The following TUSC3 variants were observed in gnomAD, a reference collection of about 807,000 sequenced individuals.
TUSC3 encodes the protein dolichyl-diphosphooligosaccharide--protein glycosyltransferase subunit TUSC3.
Under a neutral mutation model 44.8 loss-of-function variants are expected in TUSC3, and 45 were observed. The observed-to-expected ratio is 1.00, with a 90% confidence interval of 0.79 to 1.29. TUSC3 has a LOEUF of 1.29. Among genes scored for constraint, TUSC3 ranks in the 50% most tolerant of loss-of-function variants. The probability of loss-of-function intolerance (pLI) is 0.00; values close to 1 mark genes in which losing one functional copy is unlikely to be tolerated. For missense variants in TUSC3, 519 were observed against 437.9 expected, an observed-to-expected ratio of 1.19 and a Z score of -1.65; for synonymous variants, 212 against 152.9, an observed-to-expected ratio of 1.39 and a Z score of -2.85.
upstream of TUSC3, among the ~76,000 whole-genome samples, chr8:15,538,376 T>A (rs1801559025): frequency 6.6e-6 from 1 of 152,122 alleles, no homozygotes; most frequent in African/African-American, 2.4e-5. Context: ...TTAACAGGAG[T>A]GATAATTCAG....
chr8:15,639,221 G>C (rs541827028), intron 2 of TUSC3, among the ~76,000 whole-genome samples: 2 of 151,178 alleles, frequency 1.3e-5, no homozygotes, highest in Admixed American at 6.6e-5. Context: ...GTTGATGCTA[G>C]ATCACGTGAT....
At chr8:15,659,326 A>G (rs1464722129) in intron 3 of TUSC3, among the ~76,000 whole-genome samples, 181 bp from the exon 4 acceptor site, 1 of 152,172 alleles carries the variant, frequency 6.6e-6, no homozygotes, top group Non-Finnish European at 1.5e-5. Context: ...AGTCAGATTT[A>G]CATGTTCTTT....
intron 6 of TUSC3, among the ~76,000 whole-genome samples, chr8:15,713,215 A>G (rs1809927245): frequency 6.6e-6 from 1 of 152,158 alleles, no homozygotes; most frequent in African/African-American, 2.4e-5. Flanking sequence ...ACTCATTCCA[A>G]AGGTAACAGT....
intron 1 of TUSC3, among the ~76,000 whole-genome samples, chr8:15,453,903 G>T (rs547807437): frequency 6.6e-6 from 1 of 152,290 alleles, no homozygotes; most frequent in South Asian, 2.1e-4. Context: ...TGAAACTGGT[G>T]ATCACCAGCT....
intron 6 of TUSC3, among the ~76,000 whole-genome samples, chr8:15,678,873 A>T (rs1221300597): frequency 6.6e-6 from 1 of 152,144 alleles, no homozygotes; most frequent in Non-Finnish European, 1.5e-5. Context: ...AGAACATAAA[A>T]TATTTGGTTT....
At chr8:15,849,480 A>G in the TUSC3 span, among the ~76,000 whole-genome samples, 1 of 152,166 alleles carries the variant, frequency 6.6e-6, no homozygotes, top group African/African-American at 2.4e-5. Flanking sequence ...CTCTGGGGAA[A>G]AGTATTGTGT....
chr8:15,744,362 CT>C (rs1375165626), intron 8 of TUSC3, among the ~76,000 whole-genome samples: 1 of 152,090 alleles, frequency 6.6e-6, no homozygotes, highest in Non-Finnish European at 1.5e-5. Flanking sequence ...CGATTGTTTC[CT>C]GCCACAGACC....
intron 1 of TUSC3, among the ~76,000 whole-genome samples, chr8:15,565,228 T>A (rs1158328972): frequency 6.6e-6 from 1 of 151,636 alleles, no homozygotes; most frequent in Non-Finnish European, 1.5e-5. Flanking sequence ...TATTTCTTAC[T>A]TGGCATCATT....
chr8:15,792,790 T>C, the TUSC3 span, among the ~76,000 whole-genome samples: 2 of 152,008 alleles, frequency 1.3e-5, no homozygotes, highest in Non-Finnish European at 1.5e-5. Flanking sequence ...AGGTAATTTT[T>C]GTAGTTTTAG....
At chr8:15,677,435 G>A (rs1808238741) in intron 6 of TUSC3, among the ~76,000 whole-genome samples, 1 of 152,224 alleles carries the variant, frequency 6.6e-6, no homozygotes, top group African/African-American at 2.4e-5. Context: ...TTGTCCTGAA[G>A]TGTGCAGGCA....
intron 1 of TUSC3, among the ~76,000 whole-genome samples, chr8:15,445,155 A>G (rs1235959957): frequency 1.3e-5 from 2 of 152,198 alleles, no homozygotes; most frequent in African/African-American, 2.4e-5. Context: ...GGAAAATTCA[A>G]TGACCGTGGG....
At chr8:15,730,894 C>A in intron 7 of TUSC3, among the ~76,000 whole-genome samples, 165 bp downstream of exon 7, 1 of 152,032 alleles carries the variant, frequency 6.6e-6, no homozygotes, top group Middle Eastern at 3.4e-3. Flanking sequence ...TTTCCTATTA[C>A]GGTATAATTT....
intron 10 of TUSC3, chr8:15,758,290 T>G: frequency 1.0e-6 from 1 of 970,158 alleles, no homozygotes; most frequent in East Asian, 1.1e-4. Flanking sequence ...GTTAACTTAC[T>G]GAAAACTTTT....
chr8:15,448,039 G>A lies in TUSC3; in HGVS notation n.91+30734G>A, dbSNP rs115468247. 8.4e-3 allele frequency among the ~76,000 whole-genome samples: 1,243 copies of A among 148,508 alleles called. 19 individuals carry two copies. Among genetic ancestry groups the A allele is most frequent in the African/African-American group, 0.029 (1,145 of 40,030 alleles). Reference sequence around the variant, plus strand: ...TAGCCAGGCATAATTAGTGGCTACCGTATCACACAGCACAGATATAAAGCA... The same window carrying A: ...TAGCCAGGCATAATTAGTGGCTACCATATCACACAGCACAGATATAAAGCA... On this transcript the variant is annotated intron_variant and non_coding_transcript_variant, in intron 1 of 5. Transcript: ENST00000503191.
At chr8:15,537,990 G>C (rs1382296256), upstream of TUSC3, among the ~76,000 whole-genome samples, 1 of 152,152 alleles carries the variant, frequency 6.6e-6, no homozygotes, top group Non-Finnish European at 1.5e-5. Context: ...ATTAGCCTGG[G>C]GTGGTTGTGT....
chr8:15,522,766 T>C (rs1801315105), intron 2 of TUSC3, among the ~76,000 whole-genome samples: 1 of 152,088 alleles, frequency 6.6e-6, no homozygotes, highest in South Asian at 2.1e-4. Context: ...TTTTGTGATA[T>C]CTCCAGGCAA....
chr8:15,799,793 C>A, the TUSC3 span, among the ~76,000 whole-genome samples: 2 of 152,190 alleles, frequency 1.3e-5, no homozygotes, highest in Non-Finnish European at 2.9e-5. Context: ...TGCAAGCTAA[C>A]AAGTGTGCCT....
At chr8:15,785,424 C>T in the TUSC3 span, among the ~76,000 whole-genome samples, 1 of 150,836 alleles carries the variant, frequency 6.6e-6, no homozygotes, top group Non-Finnish European at 1.5e-5. Context: ...ATTAAAAGTA[C>T]ATTAATTATT....
chr8:15,602,278 C>G (rs1804320857), intron 1 of TUSC3, among the ~76,000 whole-genome samples: 1 of 151,620 alleles, frequency 6.6e-6, no homozygotes, highest in African/African-American at 2.4e-5. Context: ...GCCTGTTGTT[C>G]ATGCAGAACT....
Sources: gnomAD v4.1 joint callset for allele counts (sites outside exome capture counted in the v4.1 genomes callset) on GRCh38, gnomAD v4.1.1 for gene constraint, MANE v1.5 for transcripts, NCBI Gene and HGNC (gene_info 2026-07-23, HGNC 2026-07-21) for gene names.